The following SKAP1 variants were observed in gnomAD, a reference collection of about 807,000 sequenced individuals.
SKAP1 encodes the protein src kinase-associated phosphoprotein 1.
A neutral mutation model predicts 58.5 loss-of-function variants in SKAP1; 44 were observed. The ratio of observed to expected loss-of-function variants is 0.75; its 90% CI spans 0.59 to 0.97. The LOEUF (loss-of-function observed/expected upper bound fraction) is 0.97, where lower values mean the gene tolerates loss of function less well. Ranked by LOEUF, SKAP1 falls within the 50% of genes least tolerant of loss-of-function variation. The pLI, the probability that SKAP1 is intolerant of heterozygous loss-of-function variation, is 0.00. For synonymous variants in SKAP1, 127 were observed against 149.7 expected (o/e 0.85, Z 1.11); for missense variants, 390 against 435.2 (o/e 0.90, Z 0.92).
the SKAP1 span, among the ~76,000 whole-genome samples, chr17:48,443,454 G>A: frequency 2.3e-5 from 3 of 128,372 alleles, no homozygotes; most frequent in African/African-American, 6.5e-5. Context: ...GTGCTACAAG[G>A]TAAGTCTGTT....
intron 8 of SKAP1, among the ~76,000 whole-genome samples, chr17:48,180,655 G>A (rs208012): frequency 0.89 from 135,260 of 152,244 alleles, 60,151 homozygotes; most frequent in Admixed American, 0.92. Flanking sequence ...TACTCAGGCC[G>A]TGGGAGCTAA....
intron 4 of SKAP1, among the ~76,000 whole-genome samples, chr17:48,328,272 G>A (rs2066463230): frequency 6.6e-6 from 1 of 152,174 alleles, no homozygotes; most frequent in Admixed American, 6.5e-5. Context: ...ACAAATTCGT[G>A]ACAGCATTAC....
At chr17:48,424,289 G>C (rs1323149843) in intron 1 of SKAP1, among the ~76,000 whole-genome samples, 3 of 139,480 alleles carry the variant, frequency 2.2e-5, no homozygotes, top group African/African-American at 8.0e-5. Flanking sequence ...GCAGTGGCGC[G>C]ATCTCAGCTC....
At chr17:48,284,643 C>T (rs1006969959) in intron 4 of SKAP1, among the ~76,000 whole-genome samples, 2 of 152,056 alleles carry the variant, frequency 1.3e-5, no homozygotes, top group African/African-American at 2.4e-5. Flanking sequence ...TTATAAGTAA[C>T]GCAGGGATCT....
chr17:48,362,592 T>G (rs2066950568), intron 3 of SKAP1, among the ~76,000 whole-genome samples: 2 of 152,220 alleles, frequency 1.3e-5, no homozygotes, highest in African/African-American at 4.8e-5. Context: ...TTTAGGACAG[T>G]GAGATATGTA....
chr17:48,175,408 G>A (rs946429008), intron 9 of SKAP1, among the ~76,000 whole-genome samples: 4 of 152,188 alleles, frequency 2.6e-5, no homozygotes, highest in Non-Finnish European at 2.9e-5. Flanking sequence ...CTGCTCCCCC[G>A]CATGCACAGA....
At chr17:48,403,052 A>T (rs2067521002) in intron 1 of SKAP1, among the ~76,000 whole-genome samples, 1 of 152,278 alleles carries the variant, frequency 6.6e-6, no homozygotes, top group South Asian at 2.1e-4. Flanking sequence ...TGTGAGTTGT[A>T]TAGTATGTGA....
chr17:48,351,851 C>T (rs1057464859), intron 3 of SKAP1, among the ~76,000 whole-genome samples: 4 of 152,026 alleles, frequency 2.6e-5, no homozygotes, highest in African/African-American at 4.8e-5. Flanking sequence ...ATCCAACAAC[C>T]GAAAGGGCAG....
intron 4 of SKAP1, chr17:48,203,599 T>G (rs1306846700): frequency 6.6e-6 from 1 of 152,184 alleles, no homozygotes; most frequent in Non-Finnish European, 1.5e-5. Context: ...TGTTATTGTT[T>G]GGTATAGCAC....
intron 4 of SKAP1, among the ~76,000 whole-genome samples, chr17:48,268,459 G>C (rs1366876041): frequency 6.6e-6 from 1 of 151,682 alleles, no homozygotes; most frequent in Non-Finnish European, 1.5e-5. Flanking sequence ...GACTGAAAAG[G>C]ATGAGTTGGT....
At chr17:48,257,351 A>G (rs2065434508) in intron 4 of SKAP1, among the ~76,000 whole-genome samples, 2 of 152,130 alleles carry the variant, frequency 1.3e-5, no homozygotes, top group Non-Finnish European at 2.9e-5. Flanking sequence ...GTATGTATCC[A>G]AACAGTATTT....
intron 11 of SKAP1, among the ~76,000 whole-genome samples, chr17:48,154,204 G>A (rs11653514): frequency 0.019 from 2,931 of 152,328 alleles, 35 homozygotes; most frequent in Non-Finnish European, 0.031. Context: ...CAGGCCTGCC[G>A]CATTCAGATG....
At chr17:48,340,273 T>A (rs558387268) in intron 4 of SKAP1, among the ~76,000 whole-genome samples, 1 of 152,162 alleles carries the variant, frequency 6.6e-6, no homozygotes, top group Non-Finnish European at 1.5e-5. Flanking sequence ...GTTCTAGGAA[T>A]AGGATTTCAG....
chr17:48,189,118 AC>A (rs1326527466), intron 5 of SKAP1, among the ~76,000 whole-genome samples: 1 of 152,232 alleles, frequency 6.6e-6, no homozygotes, highest in Non-Finnish European at 1.5e-5. Context: ...GAGGACAAGA[AC>A]ACCATTCATG....
At chr17:48,325,776 G>C in intron 4 of SKAP1, among the ~76,000 whole-genome samples, 1 of 152,130 alleles carries the variant, frequency 6.6e-6, no homozygotes, top group African/African-American at 2.4e-5. Context: ...GGAAGTGTCC[G>C]GGATTACCAA....
intron 4 of SKAP1, among the ~76,000 whole-genome samples, chr17:48,217,850 T>C (rs2064958985): frequency 6.6e-6 from 1 of 152,144 alleles, no homozygotes. Flanking sequence ...GGGAAGCTAT[T>C]GGAAATAAAT....
intron 4 of SKAP1, among the ~76,000 whole-genome samples, chr17:48,276,654 T>C (rs1162496530): frequency 6.6e-6 from 1 of 152,158 alleles, no homozygotes; most frequent in African/African-American, 2.4e-5. Flanking sequence ...AATGAAACAG[T>C]CTATGGAGTT....
chr17:48,345,144 G>A (rs1175457181), intron 4 of SKAP1, among the ~76,000 whole-genome samples: 1 of 152,218 alleles, frequency 6.6e-6, no homozygotes, highest in Non-Finnish European at 1.5e-5. Flanking sequence ...TGACAGAAGA[G>A]GCACAGCGGA....
chr17:48,182,175 T>C (rs1371441916), intron 8 of SKAP1, among the ~76,000 whole-genome samples: 5 of 152,222 alleles, frequency 3.3e-5, no homozygotes, highest in African/African-American at 1.2e-4. Context: ...GGTAGGTGGA[T>C]GAGCTATGAT....
Sources: allele counts gnomAD v4.1 joint callset (sites outside exome capture counted in the v4.1 genomes callset), GRCh38; gene constraint gnomAD v4.1.1; transcripts MANE v1.5; gene names NCBI Gene and HGNC (gene_info 2026-07-23, HGNC 2026-07-21).